The following AGAP1 variants were observed in gnomAD, a reference collection of about 807,000 sequenced individuals.
The protein encoded by AGAP1 is ArfGAP with GTPase domain, ankyrin repeat and PH domain 1.
AGAP1 carries 29 observed loss-of-function variants against 105.3 expected under a neutral mutation model. That is an observed-to-expected ratio of 0.28 (90% CI 0.21 to 0.38). AGAP1 has a LOEUF of 0.38. Among genes scored for constraint, AGAP1 ranks in the 10% least tolerant of loss-of-function variants. The pLI is 1.00. For missense variants in AGAP1, 998 were observed against 1,165.1 expected, an observed-to-expected ratio of 0.86 and a Z score of 2.09; for synonymous variants, 509 against 485.9, an observed-to-expected ratio of 1.05 and a Z score of -0.63.
In AGAP1 at chr2:235,905,192, T is replaced by A. The variant is rs2051245443; in HGVS notation, c.1156-3546T>A. Among the ~76,000 whole-genome samples, 2 of 152,220 alleles carry A rather than the reference T, an allele frequency of 1.3e-5. No homozygotes were observed. On this transcript the variant is annotated intron_variant, in intron 10 of 17. Coordinates refer to ENST00000304032, the MANE Select transcript of AGAP1 (RefSeq NM_001037131.3). This position sits in a 1 kb window ranked among gnomAD's most constrained non-coding sequence, Gnocchi z 4.2. ...TATTAAAAGAGCCCATGCTGAGGCTTAGTCACTATCTGATTAGCCTCATTT... is the reference window on the plus strand; with the variant it reads ...TATTAAAAGAGCCCATGCTGAGGCTAAGTCACTATCTGATTAGCCTCATTT...
Position 236,105,738 on chromosome 2 carries a change from C to T in AGAP1, c.2115-14454C>T, listed in dbSNP as rs2059472583. ...CCTCCCGAGTAGCTGGGACTACAGG[C>T]GCCCGCCACCATGCCCGGCTGATTT... is the stretch of plus-strand genomic sequence containing the variant. On this transcript the variant is annotated intron_variant, in intron 16 of 17. Coordinates refer to ENST00000304032, the MANE Select transcript of AGAP1 (RefSeq NM_001037131.3). The surrounding 1 kb of genome is among the most constrained non-coding windows in gnomAD (Gnocchi z 4.2). Among the ~76,000 whole-genome samples the T allele has an allele frequency of 6.6e-6, 1 of 151,948 alleles. No individual in the cohort carries two copies. Among genetic ancestry groups the T allele is most frequent in the Non-Finnish European group, 1.5e-5 (1 of 67,960 alleles).
chr2:235,605,004 C>A (rs1295101981), intron 1 of AGAP1, among the ~76,000 whole-genome samples: 1 of 151,960 alleles, frequency 6.6e-6, no homozygotes, highest in Non-Finnish European at 1.5e-5. Flanking sequence ...CCTCAGCCTC[C>A]CAAGTAGCTG....
chr2:235,531,206 C>T (rs1435094873), intron 1 of AGAP1, among the ~76,000 whole-genome samples: 1 of 152,192 alleles, frequency 6.6e-6, no homozygotes, highest in African/African-American at 2.4e-5. Flanking sequence ...TTGGCTGGAG[C>T]TCTCCTTTTT....
At chr2:235,916,399 T>C (rs1473010025) in intron 11 of AGAP1, among the ~76,000 whole-genome samples, 2 of 152,216 alleles carry the variant, frequency 1.3e-5, no homozygotes, top group African/African-American at 4.8e-5. Context: ...AGGTAAAACG[T>C]CAAGGTATTT....
chr2:235,604,874 G>T (rs1295026800), intron 1 of AGAP1, among the ~76,000 whole-genome samples: 1 of 150,636 alleles, frequency 6.6e-6, no homozygotes, highest in Non-Finnish European at 1.5e-5. Context: ...GAGCCATCGC[G>T]CCCAGCCTAT....
intron 1 of AGAP1, among the ~76,000 whole-genome samples, chr2:235,628,809 A>G (rs1164966132): frequency 6.6e-6 from 1 of 151,388 alleles, no homozygotes; most frequent in East Asian, 1.9e-4. Context: ...AAGTCCATGT[A>G]TCATTCTTTT....
At chr2:235,530,564 A>G (rs1943008938) in intron 1 of AGAP1, among the ~76,000 whole-genome samples, 1 of 152,170 alleles carries the variant, frequency 6.6e-6, no homozygotes, top group Non-Finnish European at 1.5e-5. Flanking sequence ...GAGGCTGCCC[A>G]CACTCCTTGG....
chr2:235,526,836 C>T (rs934048235), intron 1 of AGAP1, among the ~76,000 whole-genome samples: 17 of 152,230 alleles, frequency 1.1e-4, no homozygotes, highest in African/African-American at 4.1e-4. Flanking sequence ...AAAAGTACCA[C>T]AGTTTTCTCT....
rs1288032154 is a variant in AGAP1, at chr2:235,908,464, TC to T, written c.1156-272del. 1.3e-5 allele frequency among the ~76,000 whole-genome samples: 2 copies of T among 152,154 alleles called. No individual in the cohort carries two copies. Among genetic ancestry groups the T allele is most frequent in the Non-Finnish European group, 1.5e-5 (1 of 68,024 alleles). On this transcript the variant is annotated intron_variant, in intron 10 of 17. Transcript: ENST00000304032. This position sits in a 1 kb window ranked among gnomAD's most constrained non-coding sequence, Gnocchi z 4.4. ...ATCAGATTTTGTGTGTAGACTTACT[TC>T]CTAATGACCCTTGAAGGAGGCACCT... is the stretch of plus-strand genomic sequence containing the variant.
At chr2:235,717,879 T>G (rs903216112) in intron 3 of AGAP1, among the ~76,000 whole-genome samples, 42 of 152,234 alleles carry the variant, frequency 2.8e-4, no homozygotes, top group African/African-American at 7.2e-4. Context: ...TTGAATTTAT[T>G]TCTTATCTAA....
At chr2:235,922,379 C>G (rs1446016386) in intron 11 of AGAP1, among the ~76,000 whole-genome samples, 1 of 152,200 alleles carries the variant, frequency 6.6e-6, no homozygotes, top group African/African-American at 2.4e-5. Context: ...CGCCCTCTTT[C>G]TATGTACATG....
Position 235,936,882 on chromosome 2 carries a change from A to G in AGAP1, c.1483+5959A>G, listed in dbSNP as rs929871107. Among the ~76,000 whole-genome samples the G allele has an allele frequency of 6.6e-6, 1 of 152,144 alleles. No individual in the cohort carries two copies. The highest frequency in any genetic ancestry group is 2.4e-5 in the African/African-American group (1 of 41,422). On this transcript the variant is annotated intron_variant, in intron 12 of 17. Coordinates refer to ENST00000304032, the MANE Select transcript of AGAP1 (RefSeq NM_001037131.3). The surrounding 1 kb of genome is among the most constrained non-coding windows in gnomAD (Gnocchi z 4.7). The stretch of plus-strand genomic sequence containing the variant: ...AGACCATACTTATCATTATTAGCCA[A>G]AATTCAAACCCAGATCTTTCTGATT...
chr2:236,000,107 G>A lies in AGAP1; in HGVS notation c.1645+31484G>A, dbSNP rs552153299. 6.2e-4 allele frequency among the ~76,000 whole-genome samples: 95 copies of A among 152,220 alleles called. No individual in the cohort carries two copies. The highest frequency in any genetic ancestry group is 2.1e-3 in the African/African-American group (87 of 41,534). Reference sequence around the variant, plus strand: ...TAGCCATAACCGTGCAGCATCCATCGGGAGGACACACACCCCTGCAGGCCA... The same window carrying A: ...TAGCCATAACCGTGCAGCATCCATCAGGAGGACACACACCCCTGCAGGCCA... On this transcript the variant is annotated intron_variant, in intron 13 of 17. Transcript: ENST00000304032. This position sits in a 1 kb window ranked among gnomAD's most constrained non-coding sequence, Gnocchi z 4.3.
chr2:236,064,952 T>C (rs1576211700), intron 16 of AGAP1, among the ~76,000 whole-genome samples: 1 of 152,340 alleles, frequency 6.6e-6, no homozygotes, highest in Non-Finnish European at 1.5e-5. Context: ...ATTGTGTTAC[T>C]TTTTCATTGT....
At position 235,843,782 on chromosome 2, in the gene AGAP1, A is replaced by T. The variant is rs1025092882; in HGVS notation, c.1050+36451A>T. Among the ~76,000 whole-genome samples, 1 of 152,152 alleles carries T rather than the reference A, an allele frequency of 6.6e-6. No individual in the cohort carries two copies. The highest frequency in any genetic ancestry group is 1.5e-5 in the Non-Finnish European group (1 of 68,022). ...CTTTTCCAAGATGTCAGTGGACAGC[A>T]TAGAGCTGGGGTGCCAGTGGCCACC... On this transcript the variant is annotated intron_variant, in intron 9 of 17. Transcript: ENST00000304032. The surrounding 1 kb of genome is among the most constrained non-coding windows in gnomAD (Gnocchi z 5.9).
chr2:235,981,941 A>C lies in AGAP1; in HGVS notation c.1645+13318A>C, dbSNP rs1262386312. On this transcript the variant is annotated intron_variant, in intron 13 of 17. Transcript: ENST00000304032. This position sits in a 1 kb window ranked among gnomAD's most constrained non-coding sequence, Gnocchi z 5.5. Reference sequence around the variant, plus strand: ...TTGGCTTGTCTAGGATTCTTCCTACAGAAGAAGTTCATATAAAATAAGGGG... The same window carrying C: ...TTGGCTTGTCTAGGATTCTTCCTACCGAAGAAGTTCATATAAAATAAGGGG... Among the ~76,000 whole-genome samples the C allele has an allele frequency of 6.6e-6, 1 of 152,206 alleles. No individual in the cohort carries two copies. Among genetic ancestry groups the C allele is most frequent in the Non-Finnish European group, 1.5e-5 (1 of 68,026 alleles).
intron 1 of AGAP1, among the ~76,000 whole-genome samples, chr2:235,598,855 T>G (rs1945632684): frequency 6.6e-6 from 1 of 152,176 alleles, no homozygotes; most frequent in South Asian, 2.1e-4. Flanking sequence ...TTTTAGATTT[T>G]ATTCAAAATG....
At chr2:235,670,262 C>T (rs1189909303) in intron 1 of AGAP1, 4 of 491,402 alleles carry the variant, frequency 8.1e-6, no homozygotes, top group East Asian at 7.5e-5. Context: ...ACGCCCGGTT[C>T]GGCGGCCCCG....
chr2:235,816,335 G>A (rs1209482055), intron 9 of AGAP1, among the ~76,000 whole-genome samples: 1 of 151,730 alleles, frequency 6.6e-6, no homozygotes, highest in Non-Finnish European at 1.5e-5. Flanking sequence ...CTACTTGGGA[G>A]CCTGAGGCAG....
Sources: allele counts gnomAD v4.1 joint callset (sites outside exome capture counted in the v4.1 genomes callset), GRCh38; gene constraint gnomAD v4.1.1; non-coding constraint Gnocchi (gnomAD v3.1); transcripts MANE v1.5; gene names NCBI Gene and HGNC (gene_info 2026-07-23, HGNC 2026-07-21).